The following SEC31A variants were observed in gnomAD, a reference collection of about 807,000 sequenced individuals.
The protein encoded by SEC31A is SEC31 homolog A, COPII component.
In SEC31A, 70 loss-of-function variants were observed where a neutral mutation model predicts 151.0. The ratio of observed to expected loss-of-function variants is 0.46; its 90% CI spans 0.38 to 0.57. The LOEUF (loss-of-function observed/expected upper bound fraction) is 0.57, where lower values mean the gene tolerates loss of function less well. Ranked by LOEUF, SEC31A falls within the 20% of genes least tolerant of loss-of-function variation. SEC31A has a pLI of 0.00. For missense variants in SEC31A, 1,330 were observed against 1,471.2 expected (o/e 0.90, Z 1.57); for synonymous variants, 475 against 505.9 (o/e 0.94, Z 0.82).
chr4:82,875,704 GATCAAA>G lies in SEC31A; in HGVS notation c.498+17_498+22del. ...TACTTTTGGCTTTTTTGATTACAATGATCAAAATCAATATAAAAATACCTGTGTTTT... is the reference window on the plus strand; with the variant it reads ...TACTTTTGGCTTTTTTGATTACAATGATCAATATAAAAATACCTGTGTTTT... On this transcript the variant is annotated intron_variant, in intron 5 of 26. Transcript: ENST00000395310. 7.0e-7 allele frequency: 1 copy of G among 1,432,386 alleles called. No homozygotes were observed. Among genetic ancestry groups the G allele is most frequent in the Non-Finnish European group, 9.8e-7 (1 of 1,023,760 alleles). 88.7% of individuals were successfully genotyped at this position (1,432,386 alleles called of 1,614,324 possible).
intron 2 of SEC31A, chr4:82,899,826 G>A (rs1354611703): frequency 6.6e-6 from 1 of 152,598 alleles, no homozygotes; most frequent in Non-Finnish European, 1.5e-5. Flanking sequence ...ACAAAGAAAC[G>A]GAAAAGTTGC....
At chr4:82,843,052 T>C (rs1158579068) in intron 21 of SEC31A, among the ~76,000 whole-genome samples, 2 of 152,052 alleles carry the variant, frequency 1.3e-5, no homozygotes, top group Admixed American at 6.6e-5. Flanking sequence ...AGTATGAAGA[T>C]GGTTAGTAAA....
chr4:82,877,770 C>A (rs1290407441), intron 4 of SEC31A: 2 of 152,178 alleles, frequency 1.3e-5, no homozygotes, highest in African/African-American at 2.4e-5. Context: ...CAACTCACTG[C>A]GATCTCCGCC....
In SEC31A at chr4:82,846,775, C is replaced by T. The variant is rs1039602772; in HGVS notation, c.2502+2029G>A. Among the ~76,000 whole-genome samples the T allele has an allele frequency of 3.3e-5, 5 of 152,048 alleles. No individual in the cohort carries two copies. In the East Asian group the frequency reaches 5.8e-4, roughly 18 times the overall value. On this transcript the variant is annotated intron_variant, in intron 20 of 26. Transcript: ENST00000395310. ...TGTTGTTCAGGCTGGAGTGCAATGG[C>T]GTGATCTCAGCTCACTGCAACCTCC...
In SEC31A at chr4:82,842,252, G is replaced by A. The variant is rs564472885; in HGVS notation, c.2856C>T (p.Ser952=). Residue 952 remains serine, a synonymous_variant, in exon 22 of 27, where the codon TCC becomes TCT. Coordinates refer to ENST00000395310, the MANE Select transcript of SEC31A (RefSeq NM_001077207.4). ...SFPPPPSSGA[S]FQHGGPGAPP... is the part of the protein sequence containing the mutation. ...GAGCTCCTGGTCCGCCATGCTGGAA[G>A]GATGCTCCAGAGGAAGGGGGAGGAG... 6.2e-7 allele frequency: 1 copy of A among 1,614,010 alleles called. No individual in the cohort carries two copies. The highest frequency in any genetic ancestry group is 2.2e-5 in the East Asian group (1 of 44,872).
intron 18 of SEC31A, 100 bp downstream of exon 18, chr4:82,853,470 T>C (rs1048318889): frequency 1.8e-5 from 19 of 1,040,224 alleles, no homozygotes; most frequent in Non-Finnish European, 2.6e-5. Context: ...AAGAAGTTCT[T>C]GAATGTATAG....
At chr4:82,872,826 T>C (rs1162278337) in intron 6 of SEC31A, among the ~76,000 whole-genome samples, 1 of 152,060 alleles carries the variant, frequency 6.6e-6, no homozygotes, top group Non-Finnish European at 1.5e-5. Context: ...CCGCTTCAGC[T>C]TCCCAATAGC....
At chr4:82,847,241 T>G (rs1286273062) in intron 20 of SEC31A, among the ~76,000 whole-genome samples, 1 of 152,180 alleles carries the variant, frequency 6.6e-6, no homozygotes, top group Non-Finnish European at 1.5e-5. Flanking sequence ...CTGGTCAAAG[T>G]GGAAGTGCAA....
chr4:82,867,786 T>G (rs1447439835), intron 8 of SEC31A, among the ~76,000 whole-genome samples: 2 of 152,078 alleles, frequency 1.3e-5, no homozygotes, highest in African/African-American at 4.8e-5. Flanking sequence ...GCGCCCATCA[T>G]CATGCCCGGC....
chr4:82,861,593 C>A (rs779668445), intron 14 of SEC31A, 38 bp downstream of exon 14: 4 of 1,365,018 alleles, frequency 2.9e-6, no homozygotes, highest in Non-Finnish European at 4.1e-6. Context: ...ACAAATATCA[C>A]AAATTTGTCC....
In SEC31A at chr4:82,867,226, C is replaced by T. The variant is rs779936861; in HGVS notation, c.973G>A (p.Asp325Asn). 19 of 1,614,070 alleles carry T rather than the reference C, an allele frequency of 1.2e-5. No homozygotes were observed. In the Admixed American group the frequency reaches 3.2e-4, roughly 27 times the overall value. The change falls in exon 9 of 27, where the codon GAT becomes AAT. Residue 325 changes from aspartate (D) to asparagine (N), a missense_variant. Asp to Asn is a conservative substitution (Grantham distance 23). Coordinates refer to ENST00000395310, the MANE Select transcript of SEC31A (RefSeq NM_001077207.4). ...NPAVLSAASF[D>N]GRISVYSIMG... ...ATAGAATAAACACTGATACGCCCAT[C>T]AAACGAAGCAGCTGATAAGACAGCA...
intron 24 of SEC31A, among the ~76,000 whole-genome samples, chr4:82,825,396 G>T (rs753048304): frequency 1.6e-4 from 24 of 152,180 alleles, no homozygotes; most frequent in Non-Finnish European, 3.2e-4. Context: ...AATAGCAACT[G>T]CAGTACGTTA....
chr4:82,876,291 G>A (rs1737943652), intron 4 of SEC31A, among the ~76,000 whole-genome samples: 1 of 151,940 alleles, frequency 6.6e-6, no homozygotes, highest in African/African-American at 2.4e-5. Context: ...TGTATTTTTA[G>A]TAGAGACGGG....
At chr4:82,879,407 C>G (rs1479940540) in intron 3 of SEC31A, among the ~76,000 whole-genome samples, 2 of 147,940 alleles carry the variant, frequency 1.4e-5, no homozygotes, top group African/African-American at 2.5e-5. Context: ...AACAAGTGGT[C>G]TGTTAAATAG....
intron 16 of SEC31A, among the ~76,000 whole-genome samples, chr4:82,856,674 C>A (rs1006087860): frequency 6.6e-6 from 1 of 151,978 alleles, no homozygotes; most frequent in Non-Finnish European, 1.5e-5. Flanking sequence ...TCGCTTGAAC[C>A]CAGAAGGTGG....
At chr4:82,871,808 C>T (rs951866150) in intron 7 of SEC31A, 136 bp downstream of exon 7, 3 of 1,104,374 alleles carry the variant, frequency 2.7e-6, no homozygotes, top group African/African-American at 3.2e-5. Flanking sequence ...CACTGCACTC[C>T]AGCCTAAGTG....
At chr4:82,888,368 AAAAAAC>A (rs1465846273) in intron 1 of SEC31A, among the ~76,000 whole-genome samples, 48,001 of 91,046 alleles carry the variant, frequency 0.53, 13,386 homozygotes, top group Admixed American at 0.67. Flanking sequence ...AAAAAAAAAA[AAAAAAC>A]ACACAAAAAA....
intron 1 of SEC31A, among the ~76,000 whole-genome samples, chr4:82,886,778 C>T (rs928107971): frequency 6.6e-6 from 1 of 152,118 alleles, no homozygotes; most frequent in Non-Finnish European, 1.5e-5. Flanking sequence ...TTTATAATAA[C>T]GTCATTATAT....
intron 19 of SEC31A, 83 bp downstream of exon 19, chr4:82,851,348 C>G: frequency 9.1e-7 from 1 of 1,096,244 alleles, no homozygotes; most frequent in Non-Finnish European, 1.3e-6. Flanking sequence ...ATTCTACCTA[C>G]TAATATGTTT....
Sources: gnomAD v4.1 joint callset for allele counts (sites outside exome capture counted in the v4.1 genomes callset) on GRCh38, gnomAD v4.1.1 for gene constraint, MANE v1.5 for transcripts, NCBI Gene and HGNC (gene_info 2026-07-23, HGNC 2026-07-21) for gene names.